The following ME3 variants were observed in gnomAD, a reference collection of about 807,000 sequenced individuals.
ME3 encodes malic enzyme 3, also known as NADP-dependent malic enzyme, mitochondrial.
A neutral mutation model predicts 68.9 loss-of-function variants in ME3; 48 were observed. The observed-to-expected ratio is 0.70, with a 90% CI of 0.55 to 0.89. The LOEUF is 0.89. ME3 is among the 40% of genes least tolerant of loss of function. The pLI, the probability that ME3 is intolerant of heterozygous loss-of-function variation, is 0.00. For synonymous variants in ME3, 320 were observed against 318.8 expected, an observed-to-expected ratio of 1.00 and a Z score of -0.04; for missense variants, 675 against 797.4, an observed-to-expected ratio of 0.85 and a Z score of 1.85.
At chr11:86,531,883 G>T (rs539264696) in intron 4 of ME3, among the ~76,000 whole-genome samples, 1 of 151,512 alleles carries the variant, frequency 6.6e-6, no homozygotes, top group African/African-American at 2.4e-5. Flanking sequence ...ATTAAATGAC[G>T]AGTTACTGGG....
At chr11:86,535,272 A>T (rs1314443568) in intron 4 of ME3, among the ~76,000 whole-genome samples, 1 of 152,146 alleles carries the variant, frequency 6.6e-6, no homozygotes, top group Non-Finnish European at 1.5e-5. Context: ...CTGTTCTTCC[A>T]GTCAGTAAAA....
chr11:86,553,074 G>T (rs1308562167), intron 4 of ME3, among the ~76,000 whole-genome samples: 1 of 152,158 alleles, frequency 6.6e-6, no homozygotes, highest in African/African-American at 2.4e-5. Flanking sequence ...CCTTCATGGG[G>T]CGTTCCCTCA....
At chr11:86,535,903 C>T (rs1439464592) in intron 4 of ME3, among the ~76,000 whole-genome samples, 1 of 152,196 alleles carries the variant, frequency 6.6e-6, no homozygotes, top group Non-Finnish European at 1.5e-5. Flanking sequence ...ATCCATCCTT[C>T]CTTCCATCTG....
intron 4 of ME3, among the ~76,000 whole-genome samples, chr11:86,518,691 T>G (rs1428992461): frequency 6.6e-6 from 1 of 152,140 alleles, no homozygotes; most frequent in Non-Finnish European, 1.5e-5. Flanking sequence ...TATAATGGGG[T>G]GGTGGAGGTG....
At chr11:86,656,868 A>C (rs1481924754) in intron 2 of ME3, among the ~76,000 whole-genome samples, 1 of 151,824 alleles carries the variant, frequency 6.6e-6, no homozygotes, top group African/African-American at 2.4e-5. Flanking sequence ...AAAAAAAAAA[A>C]GCTCATGATC....
intron 2 of ME3, among the ~76,000 whole-genome samples, chr11:86,601,687 T>C (rs1007276122): frequency 2.5e-4 from 38 of 151,824 alleles, no homozygotes; most frequent in Middle Eastern, 3.2e-3. Flanking sequence ...TGATGAACAT[T>C]GATGCAAAAA....
intron 2 of ME3, among the ~76,000 whole-genome samples, chr11:86,600,378 G>A (rs1469163021): frequency 6.6e-6 from 1 of 152,132 alleles, no homozygotes; most frequent in Non-Finnish European, 1.5e-5. Flanking sequence ...ATGGTGAAGG[G>A]ATCAATTCAA....
chr11:86,600,951 C>A (rs1167558941), intron 2 of ME3, among the ~76,000 whole-genome samples: 1 of 150,226 alleles, frequency 6.7e-6, no homozygotes, highest in Admixed American at 6.6e-5. Flanking sequence ...ACATTCAAAG[C>A]AGTGTGTAGA....
chr11:86,647,491 GAAA>G (rs111578218), intron 2 of ME3, among the ~76,000 whole-genome samples: 1 of 122,794 alleles, frequency 8.1e-6, no homozygotes, highest in Non-Finnish European at 1.8e-5. Flanking sequence ...TCTCAAAAAA[GAAA>G]AAAAAAAAAA....
intron 14 of ME3, among the ~76,000 whole-genome samples, chr11:86,441,740 C>T (rs929199484): frequency 6.6e-6 from 1 of 152,164 alleles, no homozygotes; most frequent in Non-Finnish European, 1.5e-5. Flanking sequence ...CCTCAGTTTC[C>T]TCATCTGTAA....
chr11:86,509,517 G>T (rs543443436), intron 4 of ME3, among the ~76,000 whole-genome samples: 1 of 152,342 alleles, frequency 6.6e-6, no homozygotes, highest in South Asian at 2.1e-4. Flanking sequence ...TACCTTTTGG[G>T]ATTTGCAAGT....
intron 2 of ME3, among the ~76,000 whole-genome samples, chr11:86,609,677 A>G (rs540212414): frequency 1.3e-5 from 2 of 152,342 alleles, no homozygotes; most frequent in South Asian, 2.1e-4. Context: ...CTCTTAAGCC[A>G]GAAAACTTGC....
At chr11:86,520,340 T>C (rs527493793) in intron 4 of ME3, among the ~76,000 whole-genome samples, 1 of 152,346 alleles carries the variant, frequency 6.6e-6, no homozygotes, top group East Asian at 1.9e-4. Flanking sequence ...ACTGATTTCA[T>C]GCATTCTGCT....
chr11:86,453,131 T>C (rs1489932499), intron 8 of ME3, among the ~76,000 whole-genome samples: 3 of 152,172 alleles, frequency 2.0e-5, no homozygotes, highest in African/African-American at 7.2e-5. Flanking sequence ...CCTGAGTAGC[T>C]GGGATTACAG....
intron 2 of ME3, among the ~76,000 whole-genome samples, chr11:86,560,288 G>A (rs994791398): frequency 5.9e-5 from 9 of 152,096 alleles, no homozygotes; most frequent in Admixed American, 1.3e-4. Context: ...TTTGATAAGT[G>A]TCTGGTGCTT....
chr11:86,453,006 G>T (rs4944582), intron 8 of ME3, among the ~76,000 whole-genome samples: 66,549 of 141,474 alleles, frequency 0.47, 14,978 homozygotes, highest in South Asian at 0.58. Context: ...TTTTGTTTTT[G>T]TTTTTAATTT....
chr11:86,478,324 C>CAAAAA (rs57349808), intron 7 of ME3, among the ~76,000 whole-genome samples: 2 of 62,910 alleles, frequency 3.2e-5, no homozygotes, highest in African/African-American at 5.9e-5. Context: ...GCCTAAGGAC[C>CAAAAA]AAAAAAAAAA....
At position 86,486,107 on chromosome 11, in the gene ME3, C is replaced by T. The variant is rs750302567; in HGVS notation, c.809+1230G>A. ...CACCACATCTACCCACCTGCCCCAT[C>T]AGTGCCCAGTACTCTGCCTTCCCTT... On this transcript the variant is annotated intron_variant, in intron 7 of 14. Transcript: ENST00000543262. 3.9e-5 allele frequency among the ~76,000 whole-genome samples: 6 copies of T among 152,206 alleles called. No homozygotes were observed. The East Asian group carries it at 9.6e-4, about 24-fold the overall frequency.
At chr11:86,645,530 G>A (rs537784045) in intron 2 of ME3, among the ~76,000 whole-genome samples, 2 of 152,318 alleles carry the variant, frequency 1.3e-5, no homozygotes, top group African/African-American at 4.8e-5. Flanking sequence ...GCATCTCTGA[G>A]AAAAAGTCAG....
Sources: allele counts gnomAD v4.1 joint callset (sites outside exome capture counted in the v4.1 genomes callset), GRCh38; gene constraint gnomAD v4.1.1; transcripts MANE v1.5; gene names NCBI Gene and HGNC (gene_info 2026-07-23, HGNC 2026-07-21).